JUND: variants seen among roughly 807,000 people sequenced by gnomAD.
JUND encodes JunD proto-oncogene, AP-1 transcription factor subunit.
In JUND, 2 loss-of-function variants were observed where a neutral mutation model predicts 7.1. The observed-to-expected ratio is 0.28, with a 90% confidence interval of 0.11 to 0.88. JUND has a LOEUF of 0.88. Among genes scored for constraint, JUND ranks in the 40% least tolerant of loss-of-function variants. The pLI is 0.60. For synonymous variants in JUND, 335 were observed against 263.2 expected, an observed-to-expected ratio of 1.27 and a Z score of -2.64; for missense variants, 479 against 519.1, an observed-to-expected ratio of 0.92 and a Z score of 0.75.
chr19:18,280,364 G>C lies in JUND; in HGVS notation c.*77C>G, dbSNP rs1357477719. ...GTCCCCAGGGCCGCACCCTCTCCAA[G>C]TCCGGGGCGCCCACGACACCCCCCC... On this transcript the variant is annotated 3_prime_UTR_variant, in exon 1 of 1. Transcript: ENST00000252818. This position sits in a 1 kb window ranked among gnomAD's most constrained non-coding sequence, Gnocchi z 4.1. The C allele has an allele frequency of 1.4e-6, 2 of 1,474,892 alleles. No individual in the cohort carries two copies. Among genetic ancestry groups the C allele is most frequent in the Admixed American group, 4.6e-5 (2 of 43,494 alleles). The allele number at this position is 1,474,892 out of a possible 1,614,324, so 91.4% of individuals were successfully genotyped here. A position where few individuals can be genotyped will look rare whatever the true frequency, so the allele number is the denominator to read the frequency against.
Position 18,280,782 on chromosome 19 carries a change from G to A in JUND, c.703C>T (p.Arg235Cys). ...GGCTCGTCCTTGAGCGCAGCCAGGC[G>A]CGGCGGCCCCAACGCGCCTGGGGGT... ...PPPPGALGPP[R>C]LAALKDEPQT... The change falls in exon 1 of 1, where the codon CGC becomes TGC. Residue 235 changes from arginine to cysteine, a missense_variant. Around this residue, in one of 3 missense-constraint regions of JUND, gnomAD observed 374 missense variants for 365.4 expected, o/e 1.02. Transcript: ENST00000252818. This position sits in a 1 kb window ranked among gnomAD's most constrained non-coding sequence, Gnocchi z 4.1. 9.4e-6 allele frequency: 15 copies of A among 1,590,514 alleles called. No homozygotes were observed. The highest frequency in any genetic ancestry group is 1.3e-5 in the Non-Finnish European group (15 of 1,175,258).
Position 18,280,678 on chromosome 19 carries a change from G to C in JUND, c.807C>G (p.Ile269Met), listed in dbSNP as rs373597130. ...TGCGCAGCCGCTTGCGCTCCGCCTT[G>C]ATGCGCTCCTGCGTGTCCATGTCGA... The part of the protein sequence containing the change: ...SPIDMDTQER[I>M]KAERKRLRNR... The change falls in exon 1 of 1, where the codon ATC (isoleucine) becomes ATG (methionine). Residue 269 changes from isoleucine to methionine, a missense_variant. Physicochemically the swap from Ile to Met is conservative, Grantham distance 10. Around this residue, in one of 3 missense-constraint regions of JUND, gnomAD observed 63 missense variants for 116.6 expected, o/e 0.54. Transcript: ENST00000252818. This position sits in a 1 kb window ranked among gnomAD's most constrained non-coding sequence, Gnocchi z 4.1. The C allele has an allele frequency of 1.8e-5, 29 of 1,612,394 alleles. No homozygotes were observed. Among genetic ancestry groups the C allele is most frequent in the Non-Finnish European group, 1.9e-5 (22 of 1,179,762 alleles).
chr19:18,281,552 C>G lies in JUND; in HGVS notation c.-68G>C, dbSNP rs998680445. On this transcript the variant is annotated 5_prime_UTR_variant, in exon 1 of 1. Coordinates refer to ENST00000252818, the MANE Select transcript of JUND (RefSeq NM_005354.6). ...CGGCCTCCCGGGGGGCCCGCGCCCC[C>G]CCGTCCGCTCGGCCCTGCGCCCGCC... 8 of 751,772 alleles carry G rather than the reference C, an allele frequency of 1.1e-5. No homozygotes were observed. Among genetic ancestry groups the G allele is most frequent in the Non-Finnish European group, 1.3e-5 (8 of 598,034 alleles). The allele number at this position is 751,772 out of a possible 1,614,324, so 46.6% of individuals were successfully genotyped here. A position where few individuals can be genotyped will look rare whatever the true frequency, so the allele number is the denominator to read the frequency against.
Position 18,281,120 on chromosome 19 carries a change from T to C in JUND, c.365A>G (p.Gln122Arg). The C allele has an allele frequency of 1.9e-6, 3 of 1,579,778 alleles. No homozygotes were observed. Among genetic ancestry groups the C allele is most frequent in the Non-Finnish European group, 2.6e-6 (3 of 1,168,554 alleles). ...GGCCGCCACCTTGGGGTAGAGGAAC[T>C]GTGAGCTCGTCGGCGTGGTGGTGAC... ...GLVTTTPTSSQFLYPKVAASE... is the reference protein window; with the variant it reads ...GLVTTTPTSSRFLYPKVAASE... The change falls in exon 1 of 1, where the codon CAG (glutamine) becomes CGG (arginine). Residue 122 changes from glutamine to arginine, a missense_variant. Gln to Arg is a conservative substitution (Grantham distance 43, BLOSUM62 1). This residue lies in a region of JUND where 374 missense variants were observed against 365.4 expected (regional missense o/e 1.02). Transcript: ENST00000252818.
In JUND at chr19:18,281,158, C is replaced by A. The variant is rs1969940672; in HGVS notation, c.327G>T (p.Gln109His). Residue 109 changes from glutamine to histidine, a missense_variant, in exon 1 of 1, where the codon CAG (glutamine) becomes CAT (histidine). Transcript: ENST00000252818. ...ASPELERLII[Q>H]SNGLVTTTPT... ...GCGTGGTGGTGACCAGCCCGTTGGA[C>A]TGGATGATGAGGCGCTCGAGCTCGG... 3 of 1,572,698 alleles carry A rather than the reference C, an allele frequency of 1.9e-6. No individual in the cohort carries two copies. Among genetic ancestry groups the A allele is most frequent in the South Asian group, 1.1e-5 (1 of 87,048 alleles).
In JUND at chr19:18,280,385, C is replaced by T; in HGVS notation, c.*56G>A. The stretch of plus-strand genomic sequence containing the variant: ...CCAAGTCCGGGGCGCCCACGACACC[C>T]CCCCGCGAGCCCGCCCCTTGGGGAG... On this transcript the variant is annotated 3_prime_UTR_variant, in exon 1 of 1. Transcript: ENST00000252818. This position sits in a 1 kb window ranked among gnomAD's most constrained non-coding sequence, Gnocchi z 4.1. 6.6e-7 allele frequency: 1 copy of T among 1,519,612 alleles called. No homozygotes were observed. Among genetic ancestry groups the T allele is most frequent in the Middle Eastern group, 2.3e-4 (1 of 4,316 alleles). 94.1% of individuals were successfully genotyped at this position (1,519,612 alleles called of 1,614,324 possible).
In JUND at chr19:18,281,504, G is replaced by T; in HGVS notation, c.-20C>A. Reference sequence around the variant, plus strand: ...TTCCATCCTCCGCCTCCCCCGCCGCGCCGGCCCGGGGGGGAGTGGCCGCGG... The same window carrying T: ...TTCCATCCTCCGCCTCCCCCGCCGCTCCGGCCCGGGGGGGAGTGGCCGCGG... On this transcript the variant is annotated 5_prime_UTR_variant, in exon 1 of 1. Coordinates refer to ENST00000252818, the MANE Select transcript of JUND (RefSeq NM_005354.6). 1 of 1,252,742 alleles carries T rather than the reference G, an allele frequency of 8.0e-7. No homozygotes were observed. Among genetic ancestry groups the T allele is most frequent in the Non-Finnish European group, 1.0e-6 (1 of 999,060 alleles). The allele number at this position is 1,252,742 out of a possible 1,614,324, so 77.6% of individuals were successfully genotyped here.
Position 18,280,821 on chromosome 19 carries a change from A to G in JUND, c.664T>C (p.Phe222Leu), listed in dbSNP as rs1470891793. ...TVAFAAEPVP[F>L]PPPPPPGALG... ...GCGCCTGGGGGTGGCGGCGGCGGGA[A>G]GGGCACAGGTTCGGCAGCGAAGGCG... Residue 222 changes from phenylalanine to leucine, a missense_variant, in exon 1 of 1, where the codon TTC becomes CTC. Physicochemically the swap from Phe to Leu is conservative, Grantham distance 22. Transcript: ENST00000252818. The surrounding 1 kb of genome is among the most constrained non-coding windows in gnomAD (Gnocchi z 4.1). 1.3e-6 allele frequency: 2 copies of G among 1,542,254 alleles called. No homozygotes were observed. Among genetic ancestry groups the G allele is most frequent in the Admixed American group, 3.9e-5 (2 of 51,680 alleles).
Position 18,281,415 on chromosome 19 carries a change from T to G in JUND, c.70A>C (p.Ser24Arg). Residue 24 changes from serine (S) to arginine (R), a missense_variant, in exon 1 of 1, where the codon AGC (serine) becomes CGC (arginine). By Grantham distance (110) the Ser-to-Arg change is moderately radical. Transcript: ENST00000252818. Reference sequence around the variant, plus strand: ...AACAAGCGGCCCGGGGACGCGAAGCTGCCGCCGCTGCCACTGGCGCCGCCG... The same window carrying G: ...AACAAGCGGCCCGGGGACGCGAAGCGGCCGCCGCTGCCACTGGCGCCGCCG... ...LGGGASGSGG[S>R]FASPGRLFPG... 1 of 1,354,250 alleles carries G rather than the reference T, an allele frequency of 7.4e-7. No individual in the cohort carries two copies. Among genetic ancestry groups the G allele is most frequent in the Non-Finnish European group, 9.4e-7 (1 of 1,059,996 alleles). The allele number at this position is 1,354,250 out of a possible 1,614,324, so 83.9% of individuals were successfully genotyped here.
rs775119898 is a variant in JUND at position 18,281,116 on chromosome 19, G to A, written c.369C>T (p.Phe123=). The change falls in exon 1 of 1, where the codon TTC becomes TTT. Residue 123 remains phenylalanine (F), a synonymous_variant. Transcript: ENST00000252818. ...CGCTGGCCGCCACCTTGGGGTAGAG[G>A]AACTGTGAGCTCGTCGGCGTGGTGG... ...LVTTTPTSSQ[F]LYPKVAASEE... is the part of the protein sequence containing the mutation. 20 of 1,580,796 alleles carry A rather than the reference G, an allele frequency of 1.3e-5. No homozygotes were observed. The highest frequency in any genetic ancestry group is 2.4e-5 in the East Asian group (1 of 41,504).
In JUND at chr19:18,280,079, G is replaced by C. The variant is rs8106809; in HGVS notation, c.*362C>G. 5.7e-3 allele frequency: 1,478 copies of C among 260,890 alleles called. 30 individuals are homozygous for C. Among genetic ancestry groups the C allele is most frequent in the African/African-American group, 0.033 (1,385 of 42,510 alleles). The allele number at this position is 260,890 out of a possible 1,614,324, so 16.2% of individuals were successfully genotyped here. ...AAAAAAAAAAAAAAGTAAAAGTAAA[G>C]GAAAGGCAGGGTTTGAGGCTGCGCC... On this transcript the variant is annotated 3_prime_UTR_variant, in exon 1 of 1. Transcript: ENST00000252818. The surrounding 1 kb of genome is among the most constrained non-coding windows in gnomAD (Gnocchi z 4.1).
rs918150476 is a variant in JUND, at chr19:18,281,314, C to T, written c.171G>A (p.Gln57=). The change falls in exon 1 of 1, where the codon CAG becomes CAA. Residue 57 remains glutamine, a synonymous_variant. Coordinates refer to ENST00000252818, the MANE Select transcript of JUND (RefSeq NM_005354.6). The part of the protein sequence containing the change: ...KDALTLSLSE[Q]VAAALKPAAA... ...CCGCAGGCTTGAGCGCTGCCGCCAC[C>T]TGCTCACTCAGGCTCAGCGTCAGCG... 15 of 1,377,230 alleles carry T rather than the reference C, an allele frequency of 1.1e-5. No homozygotes were observed. The African/African-American group carries it at 1.4e-4, about 13-fold the overall frequency. 85.3% of individuals were successfully genotyped at this position (1,377,230 alleles called of 1,614,324 possible). A position where few individuals can be genotyped will look rare whatever the true frequency, so the allele number is the denominator to read the frequency against.
chr19:18,281,473 G>A lies in JUND; in HGVS notation c.12C>T (p.Pro4=), dbSNP rs766663189. ...CGCTCAGCGCCTCATCGCCGTAGAAGGGTGTTTCCATCCTCCGCCTCCCCC... is the reference window on the plus strand; with the variant it reads ...CGCTCAGCGCCTCATCGCCGTAGAAAGGTGTTTCCATCCTCCGCCTCCCCC... The part of the protein sequence containing the change: MET[P]FYGDEALSGL... The change falls in exon 1 of 1, where the codon CCC becomes CCT. Residue 4 remains proline (P), a synonymous_variant. Transcript: ENST00000252818. 7.5e-7 allele frequency: 1 copy of A among 1,333,176 alleles called. No individual in the cohort carries two copies. The highest frequency in any genetic ancestry group is 1.9e-5 in the South Asian group (1 of 51,750). 82.6% of individuals were successfully genotyped at this position (1,333,176 alleles called of 1,614,324 possible).
In JUND at chr19:18,281,470, G is replaced by A. The variant is rs10401251; in HGVS notation, c.15C>T (p.Phe5=). ...GGCCGCTCAGCGCCTCATCGCCGTA[G>A]AAGGGTGTTTCCATCCTCCGCCTCC... is the stretch of plus-strand genomic sequence containing the variant. METP[F]YGDEALSGLG... Residue 5 remains phenylalanine, a synonymous_variant, in exon 1 of 1, where the codon TTC becomes TTT. Transcript: ENST00000252818. 2.3e-5 allele frequency: 31 copies of A among 1,345,732 alleles called. No individual in the cohort carries two copies. The highest frequency in any genetic ancestry group is 2.9e-5 in the Non-Finnish European group (30 of 1,051,980). The allele number at this position is 1,345,732 out of a possible 1,614,324, so 83.4% of individuals were successfully genotyped here.
At position 18,280,332 on chromosome 19, in the gene JUND, A is replaced by AG. The variant is rs41352349; in HGVS notation, c.*108dup. On this transcript the variant is annotated 3_prime_UTR_variant, in exon 1 of 1. Coordinates refer to ENST00000252818, the MANE Select transcript of JUND (RefSeq NM_005354.6). The surrounding 1 kb of genome is among the most constrained non-coding windows in gnomAD (Gnocchi z 4.1). ...TCTGAGTTCCTGGGCACACTCGGGG[A>AG]GGGGGGGTCCCCAGGGCCGCACCCT... The AG allele has an allele frequency of 0.25, 288,342 of 1,156,564 alleles. 37,983 individuals carry two copies. Among genetic ancestry groups the AG allele is most frequent in the East Asian group, 0.43 (15,949 of 36,674 alleles). The allele number at this position is 1,156,564 out of a possible 1,614,324, so 71.6% of individuals were successfully genotyped here.
chr19:18,281,422 G>A lies in JUND; in HGVS notation c.63C>T (p.Ser21=). 1 of 1,361,852 alleles carries A rather than the reference G, an allele frequency of 7.3e-7. No homozygotes were observed. 84.4% of individuals were successfully genotyped at this position (1,361,852 alleles called of 1,614,324 possible). A position where few individuals can be genotyped will look rare whatever the true frequency, so the allele number is the denominator to read the frequency against. ...GGCCCGGGGACGCGAAGCTGCCGCC[G>A]CTGCCACTGGCGCCGCCGCCCAGGC... The part of the protein sequence containing the change: ...LSGLGGGASG[S]GGSFASPGRL... The change falls in exon 1 of 1, where the codon AGC becomes AGT. Residue 21 remains serine (S), a synonymous_variant. Coordinates refer to ENST00000252818, the MANE Select transcript of JUND (RefSeq NM_005354.6).
In JUND at chr19:18,280,452, G is replaced by A. The variant is rs565342907; in HGVS notation, c.1033C>T (p.Pro345Ser). Residue 345 changes from proline (P) to serine (S), a missense_variant, in exon 1 of 1, where the codon CCC (proline) becomes TCC (serine). By Grantham distance (74) the Pro-to-Ser change is moderately conservative (BLOSUM62 -1). Coordinates refer to ENST00000252818, the MANE Select transcript of JUND (RefSeq NM_005354.6). The surrounding 1 kb of genome is among the most constrained non-coding windows in gnomAD (Gnocchi z 4.1). ...CCCCGCGCGCGGACTCAGTACGCGG[G>A]CACCTGGTGCTGGGGCAGCAGCTGG... ...GCQLLPQHQVPAY is the reference protein window; with the variant it reads ...GCQLLPQHQVSAY The A allele has an allele frequency of 1.9e-5, 30 of 1,557,716 alleles. 1 individual carries two copies. The South Asian group carries it at 3.3e-4, about 17-fold the overall frequency.
In JUND at chr19:18,281,141, G is replaced by A. The variant is rs1157669371; in HGVS notation, c.344C>T (p.Thr115Ile). The change falls in exon 1 of 1, where the codon ACC becomes ATC. Residue 115 changes from threonine to isoleucine, a missense_variant. This residue lies in a region of JUND where 374 missense variants were observed against 365.4 expected (regional missense o/e 1.02). Coordinates refer to ENST00000252818, the MANE Select transcript of JUND (RefSeq NM_005354.6). ...GAACTGTGAGCTCGTCGGCGTGGTG[G>A]TGACCAGCCCGTTGGACTGGATGAT... is the stretch of plus-strand genomic sequence containing the variant. ...RLIIQSNGLV[T>I]TTPTSSQFLY... The A allele has an allele frequency of 1.3e-6, 2 of 1,576,978 alleles. No individual in the cohort carries two copies. The highest frequency in any genetic ancestry group is 2.8e-5 in the African/African-American group (2 of 72,070).
Position 18,280,118 on chromosome 19 carries a change from C to A in JUND, c.*323G>T, listed in dbSNP as rs953387459. On this transcript the variant is annotated 3_prime_UTR_variant, in exon 1 of 1. Transcript: ENST00000252818. The surrounding 1 kb of genome is among the most constrained non-coding windows in gnomAD (Gnocchi z 4.1). ...TGAGGCTGCGCCCCCTCGGAGCCCCCTTCCGCGGCGCGGTGTACAAAGGGG... is the reference window on the plus strand; with the variant it reads ...TGAGGCTGCGCCCCCTCGGAGCCCCATTCCGCGGCGCGGTGTACAAAGGGG... 1.5e-4 allele frequency: 48 copies of A among 315,448 alleles called. No homozygotes were observed. The highest frequency in any genetic ancestry group is 2.6e-4 in the Non-Finnish European group (45 of 170,006). The allele number at this position is 315,448 out of a possible 1,614,324, so 19.5% of individuals were successfully genotyped here. A position where few individuals can be genotyped will look rare whatever the true frequency, so the allele number is the denominator to read the frequency against.
Sources: allele counts gnomAD v4.1 joint callset, GRCh38; gene constraint gnomAD v4.1.1; regional missense constraint gnomAD v4.1.1; non-coding constraint Gnocchi (gnomAD v3.1); transcripts MANE v1.5; gene names NCBI Gene and HGNC (gene_info 2026-07-23, HGNC 2026-07-21).